Variants in MED13L observed in about 807,000 individuals in gnomAD.
MED13L encodes mediator of RNA polymerase II transcription subunit 13-like.
MED13L carries 7 observed loss-of-function variants against 220.9 expected under a neutral mutation model. The ratio of observed to expected loss-of-function variants is 0.03; its 90% CI spans 0.02 to 0.06. The LOEUF is 0.06. Ranked by LOEUF, MED13L falls within the 10% of genes least tolerant of loss-of-function variation. The pLI is 1.00. For synonymous variants in MED13L, 1,011 were observed against 1,015.2 expected (o/e 1.00, Z 0.08); for missense variants, 1,965 against 2,760.5 (o/e 0.71, Z 6.46).
chr12:116,078,749 A>G (rs1666272703), intron 4 of MED13L, among the ~76,000 whole-genome samples: 1 of 152,202 alleles, frequency 6.6e-6, no homozygotes, highest in South Asian at 2.1e-4. Context: ...CTTTACAATA[A>G]AAGTTCACCT....
intron 7 of MED13L, 80 bp from the exon 8 acceptor site, chr12:116,015,354 A>G (rs1879663966): frequency 6.9e-7 from 1 of 1,443,356 alleles, no homozygotes. Flanking sequence ...TATTAACATA[A>G]ATATGCATTT....
chr12:115,978,036 G>T (rs1191106081), intron 23 of MED13L, among the ~76,000 whole-genome samples: 1 of 151,910 alleles, frequency 6.6e-6, no homozygotes, highest in African/African-American at 2.4e-5. Flanking sequence ...ACTGCTTGAG[G>T]CCAGGAGTTC....
chr12:116,081,273 A>G (rs1199046916), intron 4 of MED13L, among the ~76,000 whole-genome samples: 1 of 152,174 alleles, frequency 6.6e-6, no homozygotes, highest in East Asian at 1.9e-4. Flanking sequence ...TCACTAATTA[A>G]AGAGTTATGA....
chr12:116,251,373 G>A (rs1483995420), intron 1 of MED13L, among the ~76,000 whole-genome samples: 6 of 122,010 alleles, frequency 4.9e-5, no homozygotes, highest in South Asian at 2.6e-4. Flanking sequence ...TGTTAGCCAC[G>A]ATGGTCTCGA....
intron 28 of MED13L, among the ~76,000 whole-genome samples, chr12:115,968,485 C>T (rs982403765): frequency 6.6e-6 from 1 of 152,178 alleles, no homozygotes; most frequent in Non-Finnish European, 1.5e-5. Flanking sequence ...AGCCAGGACA[C>T]GCAAAGAGCA....
At chr12:116,104,761 T>C (rs1464241838) in intron 3 of MED13L, among the ~76,000 whole-genome samples, 2 of 152,222 alleles carry the variant, frequency 1.3e-5, no homozygotes, top group South Asian at 2.1e-4. Context: ...GAGCTTTCTA[T>C]TGAAATTAAC....
chr12:116,028,935 T>C (rs1157964276), intron 4 of MED13L, among the ~76,000 whole-genome samples: 3 of 152,294 alleles, frequency 2.0e-5, no homozygotes, highest in Admixed American at 6.5e-5. Context: ...GGTACTCCTA[T>C]ACATACTCTC....
chr12:116,228,947 AT>A (rs1412537377), intron 2 of MED13L, among the ~76,000 whole-genome samples: 1 of 151,686 alleles, frequency 6.6e-6, no homozygotes, highest in Non-Finnish European at 1.5e-5. Context: ...TCTTTTTTAA[AT>A]TTTTTTTTAA....
rs77764297 is a variant in MED13L, at chr12:116,199,310, A to G, written c.310+38158T>C. On this transcript the variant is annotated intron_variant, in intron 2 of 30. Coordinates refer to ENST00000281928, the MANE Select transcript of MED13L (RefSeq NM_015335.5). Reference sequence around the variant, plus strand: ...AAGCAAGCTTTGATTTTAAGAGACTATGTAAACCCAATCTCAGCCATTTCT... The same window carrying G: ...AAGCAAGCTTTGATTTTAAGAGACTGTGTAAACCCAATCTCAGCCATTTCT... Among the ~76,000 whole-genome samples, 190 of 152,354 alleles carry G rather than the reference A, an allele frequency of 1.2e-3. 2 individuals carry two copies. The highest frequency in any genetic ancestry group is 4.3e-3 in the African/African-American group (179 of 41,586).
At chr12:115,996,964 C>T in intron 15 of MED13L, 46 bp downstream of exon 15, 1 of 1,561,278 alleles carries the variant, frequency 6.4e-7, no homozygotes. Flanking sequence ...TGTGAATCCA[C>T]TTGGAAACTG....
intron 2 of MED13L, among the ~76,000 whole-genome samples, chr12:116,198,021 CAA>C (rs923945702): frequency 2.6e-5 from 4 of 152,064 alleles, no homozygotes; most frequent in African/African-American, 7.2e-5. Context: ...TATGAATGCA[CAA>C]AGTCATTAAC....
At chr12:116,246,370 C>A (rs1871098201) in intron 1 of MED13L, among the ~76,000 whole-genome samples, 1 of 152,042 alleles carries the variant, frequency 6.6e-6, no homozygotes, top group Admixed American at 6.5e-5. Flanking sequence ...GCCAACTATA[C>A]ACCAGCGCAG....
chr12:115,971,657 G>GT (rs1021639257), intron 26 of MED13L, among the ~76,000 whole-genome samples: 1 of 152,128 alleles, frequency 6.6e-6, no homozygotes, highest in Non-Finnish European at 1.5e-5. Flanking sequence ...ATCTTCAACC[G>GT]TATCAGAGAG....
At chr12:116,111,541 A>G in intron 2 of MED13L, 29 bp from the exon 3 acceptor site, 1 of 1,552,654 alleles carries the variant, frequency 6.4e-7, no homozygotes, top group Non-Finnish European at 8.8e-7. Flanking sequence ...AAGAAAAAAA[A>G]AGAACCAGTA....
intron 2 of MED13L, among the ~76,000 whole-genome samples, chr12:116,229,059 G>A (rs370957233): frequency 6.6e-6 from 1 of 152,060 alleles, no homozygotes; most frequent in Non-Finnish European, 1.5e-5. Flanking sequence ...TTACAGGCAT[G>A]AGCCATCACA....
chr12:116,225,092 G>A (rs1163369096), intron 2 of MED13L, among the ~76,000 whole-genome samples: 1 of 152,048 alleles, frequency 6.6e-6, no homozygotes, highest in Non-Finnish European at 1.5e-5. Flanking sequence ...TAAATGTGTG[G>A]GCAACTGAGC....
At chr12:116,025,996 T>G (rs1880366442) in intron 4 of MED13L, among the ~76,000 whole-genome samples, 3 of 152,020 alleles carry the variant, frequency 2.0e-5, no homozygotes, top group Admixed American at 2.0e-4. Flanking sequence ...ATGTGTCAAT[T>G]TAAAATAAAA....
intron 1 of MED13L, among the ~76,000 whole-genome samples, chr12:116,269,426 CA>C (rs1401319006): frequency 1.7e-5 from 2 of 120,986 alleles, no homozygotes; most frequent in Non-Finnish European, 3.5e-5. Flanking sequence ...CCCGCCCCCC[CA>C]ATCTACTTTT....
chr12:116,223,464 T>G (rs891377806), intron 2 of MED13L, among the ~76,000 whole-genome samples: 1 of 152,016 alleles, frequency 6.6e-6, no homozygotes, highest in African/African-American at 2.4e-5. Flanking sequence ...TCCCAGCACT[T>G]TGGGAGGCCG....
Sources: gnomAD v4.1 joint callset for allele counts (sites outside exome capture counted in the v4.1 genomes callset) on GRCh38, gnomAD v4.1.1 for gene constraint, MANE v1.5 for transcripts, NCBI Gene and HGNC (gene_info 2026-07-23, HGNC 2026-07-21) for gene names.